PIP5KL1: variants seen among roughly 807,000 people sequenced by gnomAD.
PIP5KL1 encodes phosphatidylinositol-4-phosphate 5-kinase like 1.
A neutral mutation model predicts 47.6 loss-of-function variants in PIP5KL1; 45 were observed. The observed-to-expected ratio is 0.94, with a 90% CI of 0.74 to 1.21. PIP5KL1 has a LOEUF of 1.21. PIP5KL1 is among the 50% of genes most tolerant of loss of function. PIP5KL1 has a pLI of 0.00. For synonymous variants in PIP5KL1, 256 were observed against 234.6 expected (o/e 1.09, Z -0.84); for missense variants, 577 against 547.6 (o/e 1.05, Z -0.54).
At chr9:127,928,847 A>G (rs908131458) in intron 2 of PIP5KL1, 10 of 273,222 alleles carry the variant, frequency 3.7e-5, no homozygotes, top group Non-Finnish European at 7.0e-5. Context: ...GCCTGATGCA[A>G]CCTGGGAGGG....
In PIP5KL1 at chr9:127,928,493, G is replaced by C; in HGVS notation, c.229-10C>G. 6.3e-7 allele frequency: 1 copy of C among 1,584,102 alleles called. No individual in the cohort carries two copies. Among genetic ancestry groups the C allele is most frequent in the Non-Finnish European group, 8.6e-7 (1 of 1,167,402 alleles). ...CCCGGGAGGGCGGCCCCTGCAGGGA[G>C]AGGTAGAGGAGCTCAGGGCAACCCT... On this transcript the variant is annotated splice_polypyrimidine_tract_variant and intron_variant, in intron 2 of 9. Transcript: ENST00000388747.
Position 127,922,018 on chromosome 9 carries a change from G to T in PIP5KL1, c.1014C>A (p.Pro338=), listed in dbSNP as rs772449210. ...CGACGCCCAGGAAATAGCGCTGCTC[G>T]GGCCCGTCCAGGATGTGTAGGGCGT... ...APNALHILDG[P]EQRYFLGVVD... Residue 338 remains proline, a synonymous_variant, in exon 10 of 10, where the codon CCC becomes CCA. Transcript: ENST00000388747. The T allele has an allele frequency of 1.3e-6, 2 of 1,575,342 alleles. No individual in the cohort carries two copies. Among genetic ancestry groups the T allele is most frequent in the Non-Finnish European group, 8.6e-7 (1 of 1,161,732 alleles).
Position 127,921,793 on chromosome 9 carries a change from G to A in PIP5KL1, c.*54C>T. ...GAGATGCCCGGGCCCGGGGGAACCG[G>A]CGTTCCTGGCGTGAGCCCATCGTCC... On this transcript the variant is annotated 3_prime_UTR_variant, in exon 10 of 10. Coordinates refer to ENST00000388747, the MANE Select transcript of PIP5KL1 (RefSeq NM_001135219.2). 1 of 1,509,132 alleles carries A rather than the reference G, an allele frequency of 6.6e-7. No individual in the cohort carries two copies. 93.5% of individuals were successfully genotyped at this position (1,509,132 alleles called of 1,614,324 possible). A position where few individuals can be genotyped will look rare whatever the true frequency, so the allele number is the denominator to read the frequency against.
intron 9 of PIP5KL1, among the ~76,000 whole-genome samples, chr9:127,924,502 A>AG (rs1254992290): frequency 6.6e-6 from 1 of 150,986 alleles, no homozygotes; most frequent in African/African-American, 2.4e-5. Flanking sequence ...AAAAAAAAAA[A>AG]AAAAATTAGC....
intron 2 of PIP5KL1, among the ~76,000 whole-genome samples, chr9:127,928,976 G>C (rs1024023746): frequency 6.6e-6 from 1 of 152,228 alleles, no homozygotes; most frequent in African/African-American, 2.4e-5. Flanking sequence ...TGCCGGCAAG[G>C]GAAGGAGGGC....
In PIP5KL1 at chr9:127,925,989, G is replaced by A; in HGVS notation, c.651-10C>T. On this transcript the variant is annotated splice_polypyrimidine_tract_variant and intron_variant, in intron 7 of 9. Coordinates refer to ENST00000388747, the MANE Select transcript of PIP5KL1 (RefSeq NM_001135219.2). The stretch of plus-strand genomic sequence containing the variant: ...GCCTTTGATGTCATACCTGGGTGGG[G>A]GGACAGAATTCAGCTTTACATAGAT... 6.3e-7 allele frequency: 1 copy of A among 1,595,848 alleles called. No homozygotes were observed. The highest frequency in any genetic ancestry group is 8.6e-7 in the Non-Finnish European group (1 of 1,165,988).
intron 9 of PIP5KL1, among the ~76,000 whole-genome samples, chr9:127,923,207 G>A (rs966677058): frequency 1.1e-4 from 16 of 152,282 alleles, no homozygotes; most frequent in African/African-American, 2.2e-4. Context: ...GTCCTCAGGC[G>A]TCATTGAAGG....
chr9:127,928,544 T>C (rs1831396607), intron 2 of PIP5KL1, 61 bp from the exon 3 acceptor site: 1 of 1,455,818 alleles, frequency 6.9e-7, no homozygotes, highest in African/African-American at 1.4e-5. Flanking sequence ...TGCCCCAGGA[T>C]CTCCAGATGT....
chr9:127,922,134 T>C lies in PIP5KL1; in HGVS notation c.918-20A>G. On this transcript the variant is annotated intron_variant, in intron 9 of 9. Transcript: ENST00000388747. Reference sequence around the variant, plus strand: ...ACAGACCTGGGGGCCGACAGGAGGGTGAAGCTGCCAGCTCCTCCAGGAAGC... The same window carrying C: ...ACAGACCTGGGGGCCGACAGGAGGGCGAAGCTGCCAGCTCCTCCAGGAAGC... 6.8e-7 allele frequency: 1 copy of C among 1,465,466 alleles called. No individual in the cohort carries two copies. Among genetic ancestry groups the C allele is most frequent in the Non-Finnish European group, 9.0e-7 (1 of 1,107,476 alleles). The allele number at this position is 1,465,466 out of a possible 1,614,324, so 90.8% of individuals were successfully genotyped here. A position where few individuals can be genotyped will look rare whatever the true frequency, so the allele number is the denominator to read the frequency against.
At position 127,926,003 on chromosome 9, in the gene PIP5KL1, C is replaced by A. The variant is rs1385393748; in HGVS notation, c.651-24G>T. On this transcript the variant is annotated intron_variant, in intron 7 of 9. Coordinates refer to ENST00000388747, the MANE Select transcript of PIP5KL1 (RefSeq NM_001135219.2). ...ACCTGGGTGGGGGGACAGAATTCAG[C>A]TTTACATAGATTTGAGACACAGAGA... 6 of 1,548,708 alleles carry A rather than the reference C, an allele frequency of 3.9e-6. No individual in the cohort carries two copies. In the South Asian group the frequency reaches 5.7e-5, roughly 15 times the overall value.
Position 127,929,920 on chromosome 9 carries a change from A to G in PIP5KL1, c.31-35T>C, listed in dbSNP as rs768383646. On this transcript the variant is annotated intron_variant, in intron 1 of 9. Coordinates refer to ENST00000388747, the MANE Select transcript of PIP5KL1 (RefSeq NM_001135219.2). The surrounding 1 kb of genome is among the most constrained non-coding windows in gnomAD (Gnocchi z 4.0). ...GGAGGCACAGGACACAGCCTGTGGC[A>G]GCGTCACAGAGGAAAAAGATCAGGG... 20 of 1,451,088 alleles carry G rather than the reference A, an allele frequency of 1.4e-5. No homozygotes were observed. The African/African-American group carries it at 2.7e-4, about 20-fold the overall frequency. The allele number at this position is 1,451,088 out of a possible 1,614,324, so 89.9% of individuals were successfully genotyped here. A position where few individuals can be genotyped will look rare whatever the true frequency, so the allele number is the denominator to read the frequency against.
At chr9:127,922,680 G>C (rs1483737495) in intron 9 of PIP5KL1, among the ~76,000 whole-genome samples, 4 of 99,594 alleles carry the variant, frequency 4.0e-5, no homozygotes, top group Non-Finnish European at 5.6e-5. Context: ...GGGCAACAGA[G>C]CGAGACTCTG....
chr9:127,925,876 T>C lies in PIP5KL1; in HGVS notation c.754A>G (p.Ile252Val). 1.2e-6 allele frequency: 2 copies of C among 1,614,016 alleles called. No individual in the cohort carries two copies. The highest frequency in any genetic ancestry group is 1.7e-6 in the Non-Finnish European group (2 of 1,179,930). Residue 252 changes from isoleucine to valine, a missense_variant, in exon 8 of 10, where the codon ATC becomes GTC. Transcript: ENST00000388747. ...CACCCCCGTGGCTCACCCAGGTTGA[T>C]GGTCTTGCCCTGAAAGTTGAGGTCC... Reference protein sequence around the residue: ...LKDLNFQGKTINLGPQRSWFL... With the variant: ...LKDLNFQGKTVNLGPQRSWFL...
In PIP5KL1 at chr9:127,927,739, C is replaced by G; in HGVS notation, c.468G>C (p.Gly156=). The change falls in exon 5 of 10, where the codon GGG becomes GGC. Residue 156 remains glycine (G), a synonymous_variant. Transcript: ENST00000388747. This position sits in a 1 kb window ranked among gnomAD's most constrained non-coding sequence, Gnocchi z 5.5. ...CGAGCAGAGCCTGCACCTCTCGGCGCCCCTGGGTCTTCAGGAAGAAGCGCT... is the reference window on the plus strand; with the variant it reads ...CGAGCAGAGCCTGCACCTCTCGGCGGCCCTGGGTCTTCAGGAAGAAGCGCT... ...HDQRFFLKTQ[G]RREVQALLAH... is the part of the protein sequence containing the mutation. 6.4e-7 allele frequency: 1 copy of G among 1,557,662 alleles called. No homozygotes were observed. The highest frequency in any genetic ancestry group is 8.7e-7 in the Non-Finnish European group (1 of 1,151,912).
rs749131784 is a variant in PIP5KL1 at position 127,929,915 on chromosome 9, G to A, written c.31-30C>T. 3.4e-6 allele frequency: 5 copies of A among 1,468,726 alleles called. No homozygotes were observed. The South Asian group carries it at 6.4e-5, about 19-fold the overall frequency. 91.0% of individuals were successfully genotyped at this position (1,468,726 alleles called of 1,614,324 possible). A position where few individuals can be genotyped will look rare whatever the true frequency, so the allele number is the denominator to read the frequency against. ...TGGGAGGAGGCACAGGACACAGCCT[G>A]TGGCAGCGTCACAGAGGAAAAAGAT... On this transcript the variant is annotated intron_variant, in intron 1 of 9. Coordinates refer to ENST00000388747, the MANE Select transcript of PIP5KL1 (RefSeq NM_001135219.2). The surrounding 1 kb of genome is among the most constrained non-coding windows in gnomAD (Gnocchi z 4.0).
intron 9 of PIP5KL1, among the ~76,000 whole-genome samples, chr9:127,924,591 G>C (rs1831332900): frequency 6.6e-6 from 1 of 151,028 alleles, no homozygotes; most frequent in Admixed American, 6.6e-5. Context: ...GGGAGGCAGA[G>C]GTTGCAGTGA....
chr9:127,921,758 A>G lies in PIP5KL1; in HGVS notation c.*89T>C. ...CTGCCCTCTGGCGACCATCAGGAGG[A>G]AGCGCAGGCGAGATGCCCGGGCCCG... On this transcript the variant is annotated 3_prime_UTR_variant, in exon 10 of 10. Transcript: ENST00000388747. The G allele has an allele frequency of 1.4e-6, 2 of 1,449,340 alleles. No homozygotes were observed. Among genetic ancestry groups the G allele is most frequent in the South Asian group, 2.8e-5 (2 of 72,542 alleles). The allele number at this position is 1,449,340 out of a possible 1,614,324, so 89.8% of individuals were successfully genotyped here. A position where few individuals can be genotyped will look rare whatever the true frequency, so the allele number is the denominator to read the frequency against.
intron 3 of PIP5KL1, 104 bp from the exon 4 acceptor site, chr9:127,928,323 G>C: frequency 6.5e-7 from 1 of 1,539,266 alleles, no homozygotes; most frequent in Non-Finnish European, 8.8e-7. Flanking sequence ...TTCCTGCAAG[G>C]CTCAAGTCTC....
chr9:127,929,775 G>A lies in PIP5KL1; in HGVS notation c.141C>T (p.Ser47=), dbSNP rs1831412365. 1 of 1,566,882 alleles carries A rather than the reference G, an allele frequency of 6.4e-7. No individual in the cohort carries two copies. Among genetic ancestry groups the A allele is most frequent in the Non-Finnish European group, 8.7e-7 (1 of 1,155,930 alleles). ...TCATCCCATGCAGTTCATGCCCCGGGCTGATCTCAAACAGGCCCAGGCGAG... is the reference window on the plus strand; with the variant it reads ...TCATCCCATGCAGTTCATGCCCCGGACTGATCTCAAACAGGCCCAGGCGAG... ...KQSRLGLFEI[S]PGHELHGMTC... Residue 47 remains serine, a synonymous_variant, in exon 2 of 10, where the codon AGC becomes AGT. Coordinates refer to ENST00000388747, the MANE Select transcript of PIP5KL1 (RefSeq NM_001135219.2). The surrounding 1 kb of genome is among the most constrained non-coding windows in gnomAD (Gnocchi z 4.0).
Sources: allele counts gnomAD v4.1 joint callset (sites outside exome capture counted in the v4.1 genomes callset), GRCh38; gene constraint gnomAD v4.1.1; non-coding constraint Gnocchi (gnomAD v3.1); transcripts MANE v1.5; gene names NCBI Gene and HGNC (gene_info 2026-07-23, HGNC 2026-07-21).